Variants in IQCH observed in about 807,000 individuals in gnomAD.
The protein encoded by IQCH is IQ domain-containing protein H.
In IQCH, 98 loss-of-function variants were observed where a neutral mutation model predicts 117.0. The ratio of observed to expected loss-of-function variants is 0.84; its 90% CI spans 0.71 to 0.99. The LOEUF (loss-of-function observed/expected upper bound fraction) is 0.99, where lower values mean the gene tolerates loss of function less well. Among genes scored for constraint, IQCH ranks in the 50% least tolerant of loss-of-function variants. The probability of loss-of-function intolerance (pLI) is 0.00; values close to 1 mark genes in which losing one functional copy is unlikely to be tolerated. For synonymous variants in IQCH, 412 were observed against 448.2 expected (o/e 0.92, Z 1.02); for missense variants, 1,102 against 1,243.8 (o/e 0.89, Z 1.72).
At position 67,474,067 on chromosome 15, in the gene IQCH, A is replaced by AGTGTGTGTGTGTGTGTGTGTGTGT. The variant is rs36050088; in HGVS notation, c.2677-1615_2677-1592dup. Among the ~76,000 whole-genome samples the AGTGTGTGTGTGTGTGTGTGTGTGT allele has an allele frequency of 7.2e-6, 1 of 138,218 alleles. No homozygotes were observed. The highest frequency in any genetic ancestry group is 2.7e-5 in the African/African-American group (1 of 36,966). The allele number at this position is 138,218 out of a possible 152,430, so 90.7% of individuals were successfully genotyped here. ...GTCACCAAAAGTGCCACGAAATCTG[A>AGTGTGTGTGTGTGTGTGTGTGTGT]GTGTGTGTGTGTGTGTGTGTGTGTG... On this transcript the variant is annotated intron_variant, in intron 17 of 20. Coordinates refer to ENST00000335894, the MANE Select transcript of IQCH (RefSeq NM_001031715.3). This position sits in a 1 kb window ranked among gnomAD's most constrained non-coding sequence, Gnocchi z 4.1.
chr15:67,255,002 G>T, intron 1 of IQCH, 55 bp downstream of exon 1: 1 of 1,548,084 alleles, frequency 6.5e-7, no homozygotes, highest in South Asian at 1.1e-5. Context: ...ACTTCCGAGC[G>T]AGGTCCCGCG....
At chr15:67,499,062 T>G (rs1567240325) in intron 20 of IQCH, among the ~76,000 whole-genome samples, 1 of 152,216 alleles carries the variant, frequency 6.6e-6, no homozygotes. Context: ...TTTGGGAGGC[T>G]GAAGCGAAAG....
At chr15:67,368,302 C>T (rs922390685) in intron 8 of IQCH, among the ~76,000 whole-genome samples, 8 of 152,258 alleles carry the variant, frequency 5.3e-5, no homozygotes, top group South Asian at 4.1e-4. Context: ...AATTCCGGAC[C>T]GCTGATTAGG....
intron 10 of IQCH, among the ~76,000 whole-genome samples, chr15:67,378,169 A>G (rs556098694): frequency 2.2e-4 from 33 of 152,198 alleles, no homozygotes; most frequent in Non-Finnish European, 2.9e-5. Context: ...ATTTGTGAAC[A>G]GGGGCAGAGT....
rs769744411 is a variant in IQCH at position 67,344,083 on chromosome 15, C to T, written c.529C>T (p.Arg177Ter). 4.0e-5 allele frequency: 65 copies of T among 1,612,492 alleles called. No homozygotes were observed. The highest frequency in any genetic ancestry group is 3.5e-4 in the South Asian group (32 of 91,010). ...AHKGILSMIE[R>*]GLIPPTARIT... ...TTTAGGGATTTTAAGTATGATAGAA[C>T]GAGGGCTGATTCCACCAACAGCAAG... Residue 177 changes from arginine to a stop codon, truncating the protein, a stop_gained, in exon 6 of 21, where the codon CGA becomes TGA. Transcript: ENST00000335894. LOFTEE classifies it high-confidence loss of function.
chr15:67,492,831 T>G (rs1033090200), intron 19 of IQCH, among the ~76,000 whole-genome samples: 1 of 152,038 alleles, frequency 6.6e-6, no homozygotes, highest in Non-Finnish European at 1.5e-5. Context: ...AGGAAAACCA[T>G]CACAGAAAGT....
chr15:67,373,373 G>T lies in IQCH; in HGVS notation c.1312G>T (p.Ala438Ser), dbSNP rs1215720787. The T allele has an allele frequency of 1.2e-6, 2 of 1,610,476 alleles. No homozygotes were observed. The highest frequency in any genetic ancestry group is 1.7e-5 in the Admixed American group (1 of 59,968). ...ENFRIRAKHL[A>S]ANWNRIRTSR... ...TGCTCTTCTTGATTTTTAGCATCTG[G>T]CAGCCAACTGGAATCGCATCAGGAC... The change falls in exon 10 of 21, where the codon GCA becomes TCA. Residue 438 changes from alanine (A) to serine (S), a missense_variant. Transcript: ENST00000335894.
At position 67,386,790 on chromosome 15, in the gene IQCH, T is replaced by A. The variant is rs1486319834; in HGVS notation, c.1456+1771T>A. ...AAAGAAAGTTTCATCTTCGTATCAA[T>A]TCCTTTCCAAAATTACCTGTCAGTT... On this transcript the variant is annotated intron_variant, in intron 11 of 20. Transcript: ENST00000335894. The surrounding 1 kb of genome is among the most constrained non-coding windows in gnomAD (Gnocchi z 5.0). 6.6e-6 allele frequency among the ~76,000 whole-genome samples: 1 copy of A among 152,108 alleles called. No individual in the cohort carries two copies. The highest frequency in any genetic ancestry group is 1.5e-5 in the Non-Finnish European group (1 of 68,000).
chr15:67,286,968 G>A (rs1269592382), intron 4 of IQCH, among the ~76,000 whole-genome samples: 1 of 152,068 alleles, frequency 6.6e-6, no homozygotes, highest in African/African-American at 2.4e-5. Context: ...GTTTCCTGAA[G>A]GTTTTTCTTG....
intron 4 of IQCH, among the ~76,000 whole-genome samples, chr15:67,295,460 C>T (rs1966846647): frequency 6.6e-6 from 1 of 152,104 alleles, no homozygotes; most frequent in South Asian, 2.1e-4. Flanking sequence ...GTTTTCTTCT[C>T]CCTCCTCTCT....
chr15:67,360,002 C>T lies in IQCH; in HGVS notation c.753+117C>T, dbSNP rs551469476. 7.1e-4 allele frequency: 497 copies of T among 695,472 alleles called. 1 individual carries two copies. Among genetic ancestry groups the T allele is most frequent in the Non-Finnish European group, 5.7e-4 (228 of 403,312 alleles). 43.1% of individuals were successfully genotyped at this position (695,472 alleles called of 1,614,324 possible). On this transcript the variant is annotated intron_variant, in intron 8 of 20. Coordinates refer to ENST00000335894, the MANE Select transcript of IQCH (RefSeq NM_001031715.3). ...ACAGCTGGAGATGGCAACAAAAGTTCGTGCTTCCTTTGTAAAAGAAATTAG... is the reference window on the plus strand; with the variant it reads ...ACAGCTGGAGATGGCAACAAAAGTTTGTGCTTCCTTTGTAAAAGAAATTAG...
At chr15:67,499,467 G>A (rs915831829) in intron 20 of IQCH, among the ~76,000 whole-genome samples, 1 of 152,016 alleles carries the variant, frequency 6.6e-6, no homozygotes, top group African/African-American at 2.4e-5. Context: ...GTGTTGGTGA[G>A]GATACGGAGA....
intron 9 of IQCH, 40 bp from the exon 10 acceptor site, chr15:67,373,327 C>T (rs745372882): frequency 1.4e-6 from 2 of 1,435,486 alleles, no homozygotes; most frequent in Admixed American, 1.7e-5. Flanking sequence ...GAATCCACTA[C>T]AGCTTCCTGT....
At position 67,286,582 on chromosome 15, in the gene IQCH, T is replaced by TTTTATTTATTTA. The variant is rs56267333; in HGVS notation, c.387+7092_387+7103dup. Among the ~76,000 whole-genome samples, 63 of 139,138 alleles carry TTTTATTTATTTA rather than the reference T, an allele frequency of 4.5e-4. 1 individual carries two copies. Among genetic ancestry groups the TTTTATTTATTTA allele is most frequent in the Admixed American group, 2.0e-3 (25 of 12,706 alleles). The allele number at this position is 139,138 out of a possible 152,430, so 91.3% of individuals were successfully genotyped here. On this transcript the variant is annotated intron_variant, in intron 4 of 20. Coordinates refer to ENST00000335894, the MANE Select transcript of IQCH (RefSeq NM_001031715.3). ...TAGCTGTGGGTCTGTCATATATGGC[T>TTTTATTTATTTA]TTTATTTATTTATTTATTTATTTAT...
chr15:67,478,258 A>ACT (rs2083254516), intron 18 of IQCH, among the ~76,000 whole-genome samples: 1 of 151,914 alleles, frequency 6.6e-6, no homozygotes, highest in Admixed American at 6.6e-5. Context: ...GGTGGCATGC[A>ACT]CCTATAATCC....
At chr15:67,410,367 T>G (rs2081418428) in intron 14 of IQCH, among the ~76,000 whole-genome samples, 1 of 152,212 alleles carries the variant, frequency 6.6e-6, no homozygotes, top group Non-Finnish European at 1.5e-5. Context: ...AAGGACCCAG[T>G]TACTTTCCAC....
chr15:67,302,617 G>C (rs1967100666), intron 4 of IQCH, among the ~76,000 whole-genome samples: 1 of 152,194 alleles, frequency 6.6e-6, no homozygotes, highest in Non-Finnish European at 1.5e-5. Context: ...CCAGCACTTT[G>C]GGAGGCTAAG....
Position 67,369,009 on chromosome 15 carries a change from C to G in IQCH, c.754-3102C>G, listed in dbSNP as rs1970429244. On this transcript the variant is annotated intron_variant, in intron 8 of 20. Transcript: ENST00000335894. The surrounding 1 kb of genome is among the most constrained non-coding windows in gnomAD (Gnocchi z 5.2). Reference sequence around the variant, plus strand: ...CAAGCAATCCTCTCACCTCAGCCTACTGGGTAGCTAGGACTACAGCTGCAC... The same window carrying G: ...CAAGCAATCCTCTCACCTCAGCCTAGTGGGTAGCTAGGACTACAGCTGCAC... Among the ~76,000 whole-genome samples the G allele has an allele frequency of 6.6e-6, 1 of 152,152 alleles. No homozygotes were observed. Among genetic ancestry groups the G allele is most frequent in the Non-Finnish European group, 1.5e-5 (1 of 68,034 alleles).
chr15:67,323,032 G>A (rs901487727), intron 4 of IQCH, among the ~76,000 whole-genome samples: 1 of 152,048 alleles, frequency 6.6e-6, no homozygotes, highest in African/African-American at 2.4e-5. Flanking sequence ...GGGAAGAAAG[G>A]TTCTCAATCT....
Sources: allele counts gnomAD v4.1 joint callset (sites outside exome capture counted in the v4.1 genomes callset), GRCh38; gene constraint gnomAD v4.1.1; non-coding constraint Gnocchi (gnomAD v3.1); transcripts MANE v1.5; gene names NCBI Gene and HGNC (gene_info 2026-07-23, HGNC 2026-07-21).